Variants in RUNX2 observed in about 807,000 individuals in gnomAD.
RUNX2 encodes runt-related transcription factor 2.
Under a neutral mutation model 51.7 loss-of-function variants are expected in RUNX2, and 10 were observed. That is an observed-to-expected ratio of 0.19 (90% CI 0.12 to 0.33). RUNX2 has a LOEUF of 0.33. RUNX2 is among the 10% of genes least tolerant of loss of function. The pLI, the probability that RUNX2 is intolerant of heterozygous loss-of-function variation, is 1.00. For synonymous variants in RUNX2, 276 were observed against 273.6 expected (o/e 1.01, Z -0.09); for missense variants, 562 against 691.3 (o/e 0.81, Z 2.10).
chr6:45,422,424 G>T (rs1798225433), intron 2 of RUNX2, 169 bp from the exon 3 acceptor site: 2 of 644,550 alleles, frequency 3.1e-6, no homozygotes, highest in Admixed American at 2.4e-5. Context: ...CCCGGCAGTC[G>T]GCCTCATCAA....
At chr6:45,542,795 A>C in intron 7 of RUNX2, among the ~76,000 whole-genome samples, 1 of 152,194 alleles carries the variant, frequency 6.6e-6, no homozygotes, top group African/African-American at 2.4e-5. Context: ...AAATTCCTTA[A>C]GGGTAACTAA....
intron 2 of RUNX2, among the ~76,000 whole-genome samples, chr6:45,347,098 ATG>A (rs564977656): frequency 1.3e-5 from 2 of 152,326 alleles, no homozygotes; most frequent in South Asian, 4.1e-4. Flanking sequence ...CCCCACAAAT[ATG>A]TGTGAGTTTA....
At chr6:45,437,896 C>G (rs1346769658) in intron 4 of RUNX2, 51 bp from the exon 5 acceptor site, 1 of 1,317,996 alleles carries the variant, frequency 7.6e-7, no homozygotes, top group Non-Finnish European at 1.1e-6. Flanking sequence ...GTGTAATCAT[C>G]AACACTGTTT....
At chr6:45,438,451 A>T (rs1308183648) in intron 5 of RUNX2, among the ~76,000 whole-genome samples, 3 of 152,218 alleles carry the variant, frequency 2.0e-5, no homozygotes, top group Admixed American at 1.3e-4. Flanking sequence ...CCCATGGCCT[A>T]AGAATGTGTT....
chr6:45,460,584 C>A lies in RUNX2; in HGVS notation c.685+22533C>A, dbSNP rs531490050. Reference sequence around the variant, plus strand: ...GATATGGCATAATGGAGCTCTTGTGCTGAACTGTTAAGAACGAGTGACCCT... The same window carrying A: ...GATATGGCATAATGGAGCTCTTGTGATGAACTGTTAAGAACGAGTGACCCT... On this transcript the variant is annotated intron_variant, in intron 5 of 8. Transcript: ENST00000647337. Among the ~76,000 whole-genome samples the A allele has an allele frequency of 2.6e-4, 40 of 152,236 alleles. 2 individuals are homozygous for A. In the South Asian group the frequency reaches 7.9e-3, roughly 30 times the overall value.
intron 2 of RUNX2, among the ~76,000 whole-genome samples, chr6:45,406,446 A>G (rs1997995): frequency 0.35 from 53,038 of 152,030 alleles, 9,477 homozygotes; most frequent in African/African-American, 0.39. Context: ...AGAGTCTCTC[A>G]CTCTGTCACC....
At chr6:45,397,170 C>T (rs150903840) in intron 2 of RUNX2, among the ~76,000 whole-genome samples, 81 of 150,892 alleles carry the variant, frequency 5.4e-4, no homozygotes, top group African/African-American at 1.9e-3. Flanking sequence ...GTGGCGCGAT[C>T]GCAGCTCACT....
chr6:45,536,979 A>G (rs994965100), intron 7 of RUNX2, among the ~76,000 whole-genome samples: 3 of 152,088 alleles, frequency 2.0e-5, no homozygotes, highest in Non-Finnish European at 4.4e-5. Flanking sequence ...TTGGAGACCC[A>G]ATCTTTTCGG....
chr6:45,499,037 G>A (rs1800727410), intron 6 of RUNX2, among the ~76,000 whole-genome samples: 1 of 152,128 alleles, frequency 6.6e-6, no homozygotes, highest in African/African-American at 2.4e-5. Flanking sequence ...ATGACAGTAG[G>A]GTACCATCAG....
intron 2 of RUNX2, among the ~76,000 whole-genome samples, chr6:45,376,372 G>A (rs1024565964): frequency 1.3e-5 from 2 of 152,192 alleles, no homozygotes; most frequent in Non-Finnish European, 1.5e-5. Context: ...TTGTAGCCCT[G>A]TGCTGTCCAA....
At chr6:45,464,419 C>A (rs1485191414) in intron 5 of RUNX2, among the ~76,000 whole-genome samples, 2 of 150,086 alleles carry the variant, frequency 1.3e-5, no homozygotes, top group Admixed American at 1.3e-4. Context: ...TTTTTTTTTT[C>A]TTTTTAGTGA....
intron 5 of RUNX2, among the ~76,000 whole-genome samples, chr6:45,452,885 T>C (rs1449567398): frequency 6.6e-6 from 1 of 152,168 alleles, no homozygotes; most frequent in African/African-American, 2.4e-5. Context: ...CAAAATAACT[T>C]GGGCTCCATG....
intron 2 of RUNX2, among the ~76,000 whole-genome samples, chr6:45,343,073 G>C (rs1790143152): frequency 6.6e-6 from 1 of 152,096 alleles, no homozygotes; most frequent in African/African-American, 2.4e-5. Flanking sequence ...AAAATGTAAA[G>C]TGTCTACACT....
chr6:45,482,885 G>A (rs931144080), intron 5 of RUNX2, among the ~76,000 whole-genome samples: 4 of 152,250 alleles, frequency 2.6e-5, no homozygotes, highest in East Asian at 1.9e-4. Flanking sequence ...CGAATCTTAC[G>A]TGCCTGACTC....
intron 5 of RUNX2, among the ~76,000 whole-genome samples, chr6:45,441,131 C>T (rs1798830065): frequency 6.6e-6 from 1 of 152,106 alleles, no homozygotes; most frequent in Admixed American, 6.5e-5. Context: ...ATTATAATTC[C>T]TTAATTAGTG....
At chr6:45,464,045 T>C (rs1799555308) in intron 5 of RUNX2, among the ~76,000 whole-genome samples, 1 of 151,966 alleles carries the variant, frequency 6.6e-6, no homozygotes, top group African/African-American at 2.4e-5. Flanking sequence ...TACAAAAAAT[T>C]AGCCAGGCGT....
intron 6 of RUNX2, among the ~76,000 whole-genome samples, chr6:45,509,485 G>T (rs1801077897): frequency 6.6e-6 from 1 of 152,186 alleles, no homozygotes; most frequent in South Asian, 2.1e-4. Context: ...TAAGTGATAT[G>T]CTCAGCACAG....
chr6:45,370,021 C>T (rs935813233), intron 2 of RUNX2, among the ~76,000 whole-genome samples: 2 of 152,102 alleles, frequency 1.3e-5, no homozygotes, highest in African/African-American at 4.8e-5. Context: ...TTACATTTCA[C>T]TTGAGTGTAA....
At chr6:45,410,593 G>A (rs1389467117) in intron 2 of RUNX2, among the ~76,000 whole-genome samples, 3 of 152,072 alleles carry the variant, frequency 2.0e-5, no homozygotes, top group East Asian at 1.9e-4. Context: ...CACTATTCAC[G>A]TGGTATATAC....
Sources: gnomAD v4.1 joint callset for allele counts (sites outside exome capture counted in the v4.1 genomes callset) on GRCh38, gnomAD v4.1.1 for gene constraint, MANE v1.5 for transcripts, NCBI Gene and HGNC (gene_info 2026-07-23, HGNC 2026-07-21) for gene names.